The following ARK2C variants were observed in gnomAD, a reference collection of about 807,000 sequenced individuals.
ARK2C encodes the protein E3 ubiquitin-protein ligase ARK2C.
At chr18:46,410,083 G>A in the ARK2C span, among the ~76,000 whole-genome samples, 3 of 152,236 alleles carry the variant, frequency 2.0e-5, no homozygotes, top group Non-Finnish European at 4.4e-5. Flanking sequence ...TTTTACTTAT[G>A]TGGTGAGGAG....
the ARK2C span, among the ~76,000 whole-genome samples, chr18:46,345,790 G>A: frequency 6.6e-6 from 1 of 152,178 alleles, no homozygotes; most frequent in Non-Finnish European, 1.5e-5. Context: ...ATTCAGGCAG[G>A]TCAGTCCAGG....
At chr18:46,392,081 C>T in the ARK2C span, among the ~76,000 whole-genome samples, 95 of 151,982 alleles carry the variant, frequency 6.3e-4, no homozygotes, top group African/African-American at 2.2e-3. Context: ...ATACAACACA[C>T]AACATACACA....
At chr18:46,372,506 A>T in the ARK2C span, among the ~76,000 whole-genome samples, 1 of 152,200 alleles carries the variant, frequency 6.6e-6, no homozygotes, top group Non-Finnish European at 1.5e-5. Flanking sequence ...GGGCCACCTT[A>T]GTAAGCCCCC....
At chr18:46,419,113 C>T in the ARK2C span, among the ~76,000 whole-genome samples, 2 of 152,186 alleles carry the variant, frequency 1.3e-5, no homozygotes, top group Non-Finnish European at 2.9e-5. Context: ...GGCTGTCAGC[C>T]AGGGTGCTTC....
At chr18:46,418,444 T>C in the ARK2C span, among the ~76,000 whole-genome samples, 293 of 152,362 alleles carry the variant, frequency 1.9e-3, 6 homozygotes, top group Middle Eastern at 3.4e-3. Flanking sequence ...ATTTAATTAA[T>C]TTTAAAAGTT....
At chr18:46,346,948 G>T in the ARK2C span, among the ~76,000 whole-genome samples, 2 of 152,210 alleles carry the variant, frequency 1.3e-5, no homozygotes, top group Admixed American at 1.3e-4. Flanking sequence ...CCTAACTGGG[G>T]AGACCCCCGA....
chr18:46,401,485 A>C, the ARK2C span, among the ~76,000 whole-genome samples: 4 of 152,260 alleles, frequency 2.6e-5, no homozygotes, highest in African/African-American at 9.6e-5. Context: ...AAAAGACCTT[A>C]GCAATTCTTC....
At chr18:46,455,582 A>G in the ARK2C span, among the ~76,000 whole-genome samples, 4 of 152,106 alleles carry the variant, frequency 2.6e-5, no homozygotes, top group Non-Finnish European at 5.9e-5. Context: ...CACATCTATA[A>G]TCCCAGCACT....
chr18:46,394,161 GTC>G, the ARK2C span, among the ~76,000 whole-genome samples: 1 of 152,176 alleles, frequency 6.6e-6, no homozygotes, highest in South Asian at 2.1e-4. Flanking sequence ...GACAGATGGG[GTC>G]CCCTGCCGAG....
At chr18:46,424,416 G>A in the ARK2C span, among the ~76,000 whole-genome samples, 5 of 152,190 alleles carry the variant, frequency 3.3e-5, no homozygotes, top group East Asian at 1.9e-4. Flanking sequence ...GAAAGTTAAC[G>A]TGGCAGCCAT....
chr18:46,358,806 G>A, the ARK2C span, among the ~76,000 whole-genome samples: 10 of 152,250 alleles, frequency 6.6e-5, no homozygotes, highest in East Asian at 5.8e-4. Flanking sequence ...AGTGACACAC[G>A]CCTTGGTCAT....
At chr18:46,456,502 T>TC in the ARK2C span, 6 of 1,589,966 alleles carry the variant, frequency 3.8e-6, no homozygotes, top group Non-Finnish European at 5.2e-6. Context: ...CCTCTGACTC[T>TC]CCCTCCTCTC....
chr18:46,457,319 G>A, the ARK2C span: 1 of 152,490 alleles, frequency 6.6e-6, no homozygotes, highest in Non-Finnish European at 1.5e-5. Flanking sequence ...GCGGGAGGGG[G>A]GGGTTCTCGT....
the ARK2C span, among the ~76,000 whole-genome samples, chr18:46,410,655 C>T: frequency 6.6e-6 from 1 of 152,206 alleles, no homozygotes. Flanking sequence ...AATAATTGTC[C>T]ATGGGCCTGG....
chr18:46,437,282 C>A, the ARK2C span, among the ~76,000 whole-genome samples: 1 of 152,148 alleles, frequency 6.6e-6, no homozygotes, highest in South Asian at 2.1e-4. Flanking sequence ...CCAGCGGGGG[C>A]CAGCCTAGTG....
the ARK2C span, among the ~76,000 whole-genome samples, chr18:46,381,516 C>T: frequency 1.3e-5 from 2 of 152,148 alleles, no homozygotes; most frequent in Non-Finnish European, 2.9e-5. Flanking sequence ...GAGAAGCCTC[C>T]TGGAGGGAAA....
chr18:46,335,906 CGCT>C, the ARK2C span: 2 of 985,320 alleles, frequency 2.0e-6, no homozygotes, highest in Non-Finnish European at 2.4e-6. Flanking sequence ...ATGGTCAACT[CGCT>C]GCTGTGTGCG....
At chr18:46,435,458 A>G in the ARK2C span, 1 of 1,255,642 alleles carries the variant, frequency 8.0e-7, no homozygotes, top group Non-Finnish European at 1.2e-6. Context: ...AGGTCTTGCC[A>G]GATCTGTGGA....
At chr18:46,360,088 A>C in the ARK2C span, among the ~76,000 whole-genome samples, 2 of 152,238 alleles carry the variant, frequency 1.3e-5, no homozygotes, top group African/African-American at 4.8e-5. Context: ...CTCTAGGTCC[A>C]GAATACCCTG....
Sources: allele counts gnomAD v4.1 joint callset (sites outside exome capture counted in the v4.1 genomes callset), GRCh38; gene constraint gnomAD v4.1.1; transcripts MANE v1.5; gene names NCBI Gene and HGNC (gene_info 2026-07-23, HGNC 2026-07-21).